Variants in ALOX12B observed in about 807,000 individuals in gnomAD.
ALOX12B encodes the protein arachidonate 12-lipoxygenase, 12R-type.
ALOX12B carries 47 observed loss-of-function variants against 78.9 expected under a neutral mutation model. The observed-to-expected ratio is 0.60, with a 90% CI of 0.47 to 0.76. The LOEUF (loss-of-function observed/expected upper bound fraction) is 0.76. Among genes scored for constraint, ALOX12B ranks in the 30% least tolerant of loss-of-function variants. ALOX12B has a pLI of 0.00. For missense variants in ALOX12B, 805 were observed against 922.6 expected (o/e 0.87, Z 1.65); for synonymous variants, 370 against 374.5 (o/e 0.99, Z 0.14).
intron 1 of ALOX12B, among the ~76,000 whole-genome samples, chr17:8,086,884 G>A (rs1978300468): frequency 6.6e-6 from 1 of 152,108 alleles, no homozygotes; most frequent in South Asian, 2.1e-4. Context: ...GGGAAGGAAA[G>A]CAGGTGGAAA....
chr17:8,085,911 TG>T, intron 2 of ALOX12B, 104 bp downstream of exon 2: 1 of 1,364,676 alleles, frequency 7.3e-7, no homozygotes, highest in Non-Finnish European at 1.0e-6. Flanking sequence ...CTGGTGGGGC[TG>T]GGCCCCCCTC....
intron 12 of ALOX12B, 40 bp from the exon 13 acceptor site, chr17:8,073,797 C>T (rs771514376): frequency 2.6e-6 from 4 of 1,536,922 alleles, no homozygotes; most frequent in African/African-American, 2.7e-5. Flanking sequence ...ATCAGTCGTG[C>T]CCTGGTACTG....
Position 8,080,237 on chromosome 17 carries a change from G to C in ALOX12B, c.752C>G (p.Ser251Cys). 3.1e-6 allele frequency: 5 copies of C among 1,614,072 alleles called. No homozygotes were observed. The highest frequency in any genetic ancestry group is 4.2e-6 in the Non-Finnish European group (5 of 1,179,912). Residue 251 changes from serine to cysteine, a missense_variant and splice_region_variant, in exon 6 of 15, where the codon TCC becomes TGC. Coordinates refer to ENST00000647874, the MANE Select transcript of ALOX12B (RefSeq NM_001139.3). This position sits in a 1 kb window ranked among gnomAD's most constrained non-coding sequence, Gnocchi z 4.8. ...KIFPGKKSVV[S>C]EYVAEHWAED... ...ATCCGGGACGCCCCATTCCATACCG[G>C]AGACGACAGATTTCTTGCCAGGGAA...
At chr17:8,086,266 G>C in intron 1 of ALOX12B, 46 bp from the exon 2 acceptor site, 1 of 1,594,120 alleles carries the variant, frequency 6.3e-7, no homozygotes, top group Non-Finnish European at 8.6e-7. Flanking sequence ...CTTCACCCCG[G>C]CTCCCAGGCC....
Position 8,079,116 on chromosome 17 carries a change from C to T in ALOX12B, c.1071+280G>A, listed in dbSNP as rs540252367. Among the ~76,000 whole-genome samples, 13 of 152,156 alleles carry T rather than the reference C, an allele frequency of 8.5e-5. No homozygotes were observed. The highest frequency in any genetic ancestry group is 2.9e-4 in the African/African-American group (12 of 41,536). ...GTTTCACCGTGTTAGCCAGGATGGT[C>T]TCGATCTCCTGACCTCGTGATCCGC... is the stretch of plus-strand genomic sequence containing the variant. On this transcript the variant is annotated intron_variant, in intron 8 of 14. Transcript: ENST00000647874. The surrounding 1 kb of genome is among the most constrained non-coding windows in gnomAD (Gnocchi z 6.4).
intron 12 of ALOX12B, 59 bp from the exon 13 acceptor site, chr17:8,073,816 G>T: frequency 7.3e-7 from 1 of 1,363,560 alleles, no homozygotes; most frequent in Non-Finnish European, 1.0e-6. Flanking sequence ...TGGCTGCCCG[G>T]CAGAGGGCGC....
At position 8,079,760 on chromosome 17, in the gene ALOX12B, G is replaced by A. The variant is rs757668122; in HGVS notation, c.927+9C>T. The A allele has an allele frequency of 3.1e-6, 5 of 1,610,284 alleles. No homozygotes were observed. Among genetic ancestry groups the A allele is most frequent in the Admixed American group, 1.7e-5 (1 of 59,836 alleles). ...GGAGGGCCGGGGTCTCCGCCGGAGC[G>A]GGCCTCACCTCCAGCTCCGCTTGCA... On this transcript the variant is annotated intron_variant, in intron 7 of 14. Coordinates refer to ENST00000647874, the MANE Select transcript of ALOX12B (RefSeq NM_001139.3). The surrounding 1 kb of genome is among the most constrained non-coding windows in gnomAD (Gnocchi z 6.4).
intron 12 of ALOX12B, among the ~76,000 whole-genome samples, chr17:8,075,242 C>G (rs1977056419): frequency 6.6e-6 from 1 of 152,212 alleles, no homozygotes; most frequent in East Asian, 1.9e-4. Context: ...GAGCTGCCAG[C>G]TCCCTGGCCT....
chr17:8,077,157 G>A lies in ALOX12B; in HGVS notation c.1108C>T (p.Leu370=). The change falls in exon 9 of 15, where the codon CTG becomes TTG. Residue 370 remains leucine (L), a synonymous_variant. Coordinates refer to ENST00000647874, the MANE Select transcript of ALOX12B (RefSeq NM_001139.3). ...QTPGPDCPIF[L]PSDSEWDWLL... ...CAGTCCCACTCAGAATCACTGGGCA[G>A]GAAGATGGGGCAATCTGGCCCAGGG... 1 of 1,613,740 alleles carries A rather than the reference G, an allele frequency of 6.2e-7. No individual in the cohort carries two copies. The highest frequency in any genetic ancestry group is 1.1e-5 in the South Asian group (1 of 91,052).
In ALOX12B at chr17:8,079,268, A is replaced by G. The variant is rs945764358; in HGVS notation, c.1071+128T>C. Reference sequence around the variant, plus strand: ...GCATCCCGGGGAGGTCCTGGAACCAATCTCTCAAGGATAACGAGAGACGGC... The same window carrying G: ...GCATCCCGGGGAGGTCCTGGAACCAGTCTCTCAAGGATAACGAGAGACGGC... On this transcript the variant is annotated intron_variant, in intron 8 of 14. Coordinates refer to ENST00000647874, the MANE Select transcript of ALOX12B (RefSeq NM_001139.3). The surrounding 1 kb of genome is among the most constrained non-coding windows in gnomAD (Gnocchi z 6.4). 1.5e-5 allele frequency: 21 copies of G among 1,365,742 alleles called. No homozygotes were observed. Among genetic ancestry groups the G allele is most frequent in the African/African-American group, 1.3e-4 (9 of 68,194 alleles). The allele number at this position is 1,365,742 out of a possible 1,614,324, so 84.6% of individuals were successfully genotyped here.
chr17:8,076,704 T>C lies in ALOX12B; in HGVS notation c.1315A>G (p.Ser439Gly), dbSNP rs1167120007. 1 of 1,551,078 alleles carries C rather than the reference T, an allele frequency of 6.4e-7. No individual in the cohort carries two copies. Among genetic ancestry groups the C allele is most frequent in the Non-Finnish European group, 8.7e-7 (1 of 1,147,098 alleles). The part of the protein sequence containing the change: ...PHTRYTVQIN[S>G]IGRAVLLNEG... Reference sequence around the variant, plus strand: ...TTGAGGAGAACGGCCCGGCCAATGCTGTTGATCTGGACGGTGTATCGGGTA... The same window carrying C: ...TTGAGGAGAACGGCCCGGCCAATGCCGTTGATCTGGACGGTGTATCGGGTA... The change falls in exon 10 of 15, where the codon AGC (serine) becomes GGC (glycine). Residue 439 changes from serine (S) to glycine (G), a missense_variant. Ser to Gly is a moderately conservative substitution (Grantham distance 56). Coordinates refer to ENST00000647874, the MANE Select transcript of ALOX12B (RefSeq NM_001139.3).
At chr17:8,075,813 G>T (rs1032049602) in intron 11 of ALOX12B, 97 bp from the exon 12 acceptor site, 1 of 1,598,542 alleles carries the variant, frequency 6.3e-7, no homozygotes, top group Non-Finnish European at 8.6e-7. Context: ...ACCTCAGTTG[G>T]CCCCAGAGCT....
At chr17:8,086,585 C>T (rs1978299332) in intron 1 of ALOX12B, among the ~76,000 whole-genome samples, 1 of 152,206 alleles carries the variant, frequency 6.6e-6, no homozygotes, top group Non-Finnish European at 1.5e-5. Context: ...CAGCCAGCCC[C>T]TTCTCCCATT....
intron 13 of ALOX12B, 103 bp from the exon 14 acceptor site, chr17:8,073,421 C>G: frequency 6.6e-7 from 1 of 1,513,138 alleles, no homozygotes; most frequent in Non-Finnish European, 9.1e-7. Context: ...GATGGACTCC[C>G]CGCCCTTGGC....
chr17:8,077,864 C>T lies in ALOX12B; in HGVS notation c.1072-671G>A, dbSNP rs1463498514. Reference sequence around the variant, plus strand: ...CCCCACAGACACATATACATGCACACACTCACAGATGCACACACATAGGGG... The same window carrying T: ...CCCCACAGACACATATACATGCACATACTCACAGATGCACACACATAGGGG... On this transcript the variant is annotated intron_variant, in intron 8 of 14. Transcript: ENST00000647874. Among the ~76,000 whole-genome samples the T allele has an allele frequency of 7.9e-5, 12 of 152,328 alleles. No individual in the cohort carries two copies. The East Asian group carries it at 2.1e-3, about 27-fold the overall frequency.
Position 8,075,681 on chromosome 17 carries a change from C to T in ALOX12B, c.1568G>A (p.Ser523Asn), listed in dbSNP as rs1476795203. The change falls in exon 12 of 15, where the codon AGT becomes AAT. Residue 523 changes from serine (S) to asparagine (N), a missense_variant. Coordinates refer to ENST00000647874, the MANE Select transcript of ALOX12B (RefSeq NM_001139.3). Reference sequence around the variant, plus strand: ...CGGATCACCCTCCACGGCTGCGTCACTCGGGTAATAATAGGTGATGATCTC... The same window carrying T: ...CGGATCACCCTCCACGGCTGCGTCATTCGGGTAATAATAGGTGATGATCTC... ...VTEIITYYYP[S>N]DAAVEGDPEL... 1 of 1,614,072 alleles carries T rather than the reference C, an allele frequency of 6.2e-7. No homozygotes were observed. The highest frequency in any genetic ancestry group is 1.3e-5 in the African/African-American group (1 of 74,934).
In ALOX12B at chr17:8,077,002, G is replaced by T. The variant is rs1394276297; in HGVS notation, c.1263C>A (p.His421Gln). Residue 421 changes from histidine to glutamine, a missense_variant, in exon 9 of 15, where the codon CAC becomes CAA. Transcript: ENST00000647874. ...LALLRNLPMC[H>Q]PLYKLLIPHT... ...CCCAAGCCCATACCTTGTAGAGGGG[G>T]TGGCACATGGGCAGGTTCCTCAGCA... 2 of 1,613,594 alleles carry T rather than the reference G, an allele frequency of 1.2e-6. No individual in the cohort carries two copies. The highest frequency in any genetic ancestry group is 1.7e-6 in the Non-Finnish European group (2 of 1,179,932).
In ALOX12B at chr17:8,072,819, G is replaced by A. The variant is rs763413541; in HGVS notation, c.2058C>T (p.Pro686=). 1 of 1,614,250 alleles carries A rather than the reference G, an allele frequency of 6.2e-7. No individual in the cohort carries two copies. Residue 686 remains proline (P), a synonymous_variant, in exon 15 of 15, where the codon CCC becomes CCT. Coordinates refer to ENST00000647874, the MANE Select transcript of ALOX12B (RefSeq NM_001139.3). ...TCAGCACCGGGTCCAGGTAGTAGTA[G>A]GGGATGGGAAGGCACTTGTTGCGCT... The part of the protein sequence containing the change: ...IRQRNKCLPI[P]YYYLDPVLIE...
chr17:8,073,608 A>G (rs1317540822), intron 13 of ALOX12B, 49 bp downstream of exon 13: 1 of 1,547,558 alleles, frequency 6.5e-7, no homozygotes. Context: ...GACGAAATTT[A>G]GAAGGTCTGA....
Sources: allele counts gnomAD v4.1 joint callset (sites outside exome capture counted in the v4.1 genomes callset), GRCh38; gene constraint gnomAD v4.1.1; non-coding constraint Gnocchi (gnomAD v3.1); transcripts MANE v1.5; gene names NCBI Gene and HGNC (gene_info 2026-07-23, HGNC 2026-07-21).